OXR1: variants seen among roughly 807,000 people sequenced by gnomAD.
OXR1 encodes oxidation resistance protein 1.
A neutral mutation model predicts 104.6 loss-of-function variants in OXR1; 41 were observed. The observed-to-expected ratio is 0.39, with a 90% CI of 0.31 to 0.51. OXR1 has a LOEUF of 0.51. Ranked by LOEUF, OXR1 falls within the 20% of genes least tolerant of loss-of-function variation. The pLI is 0.77. For synonymous variants in OXR1, 348 were observed against 348.4 expected, an observed-to-expected ratio of 1.00 and a Z score of 0.01; for missense variants, 955 against 1,031.9, an observed-to-expected ratio of 0.93 and a Z score of 1.02.
chr8:106,672,199 T>C (rs1168177370), intron 3 of OXR1, among the ~76,000 whole-genome samples: 1 of 151,732 alleles, frequency 6.6e-6, no homozygotes, highest in Non-Finnish European at 1.5e-5. Context: ...CAAATAGTGC[T>C]GGGCACAGTG....
intron 3 of OXR1, among the ~76,000 whole-genome samples, chr8:106,632,010 T>A (rs1822728144): frequency 6.6e-6 from 1 of 152,194 alleles, no homozygotes; most frequent in South Asian, 2.1e-4. Context: ...TTTTAGTTCT[T>A]ATCCTAGACA....
At chr8:106,745,747 C>T in intron 15 of OXR1, 42 bp from the exon 16 acceptor site, 1 of 958,454 alleles carries the variant, frequency 1.0e-6, no homozygotes, top group Non-Finnish European at 1.6e-6. Flanking sequence ...CTATAATAAC[C>T]ATTTCATCTA....
At chr8:106,270,984 C>T (rs1281197453) in intron 1 of OXR1, among the ~76,000 whole-genome samples, 1 of 152,040 alleles carries the variant, frequency 6.6e-6, no homozygotes, top group African/African-American at 2.4e-5. Flanking sequence ...TGGAATCTGT[C>T]TCCCGCTAGA....
intron 2 of OXR1, among the ~76,000 whole-genome samples, chr8:106,480,392 C>T (rs1248391032): frequency 1.3e-5 from 2 of 151,904 alleles, no homozygotes; most frequent in African/African-American, 4.8e-5. Context: ...TTACTTTAGT[C>T]TTTAACTTGG....
chr8:106,355,137 G>A (rs1815909771), intron 1 of OXR1, among the ~76,000 whole-genome samples: 1 of 152,058 alleles, frequency 6.6e-6, no homozygotes, highest in African/African-American at 2.4e-5. Context: ...GCATTCAGGG[G>A]AAGTCAAATC....
At chr8:106,708,429 A>T (rs1831363055) in intron 9 of OXR1, among the ~76,000 whole-genome samples, 1 of 151,904 alleles carries the variant, frequency 6.6e-6, no homozygotes. Context: ...AAAACCAGTA[A>T]CTTGCTTTTC....
At chr8:106,403,785 C>G (rs1818098144) in intron 2 of OXR1, among the ~76,000 whole-genome samples, 1 of 152,162 alleles carries the variant, frequency 6.6e-6, no homozygotes, top group Non-Finnish European at 1.5e-5. Context: ...ACCATTATCC[C>G]ACACCCTTAG....
chr8:106,503,540 C>T (rs921628), intron 2 of OXR1, among the ~76,000 whole-genome samples: 90,172 of 151,994 alleles, frequency 0.59, 27,545 homozygotes, highest in Non-Finnish European at 0.68. Context: ...TGAGGGATGC[C>T]TTTACCTTAT....
intron 2 of OXR1, among the ~76,000 whole-genome samples, chr8:106,411,994 C>T (rs1216439974): frequency 1.3e-5 from 2 of 152,080 alleles, no homozygotes; most frequent in African/African-American, 4.8e-5. Flanking sequence ...AGCTTCTCAG[C>T]AATAAAGTGG....
At chr8:106,626,108 C>T (rs1822134641) in intron 3 of OXR1, among the ~76,000 whole-genome samples, 1 of 150,576 alleles carries the variant, frequency 6.6e-6, no homozygotes, top group South Asian at 2.1e-4. Context: ...AGACAATTTT[C>T]TTAAGTTGAA....
chr8:106,428,166 A>G (rs1819210190), intron 2 of OXR1, among the ~76,000 whole-genome samples: 1 of 152,312 alleles, frequency 6.6e-6, no homozygotes, highest in Admixed American at 6.5e-5. Flanking sequence ...GCACAGGGAT[A>G]CCATGGGTGC....
At chr8:106,442,415 C>T (rs879157201) in intron 2 of OXR1, among the ~76,000 whole-genome samples, 1 of 151,898 alleles carries the variant, frequency 6.6e-6, no homozygotes, top group African/African-American at 2.4e-5. Flanking sequence ...GGTGTCAGGA[C>T]GGTACTGGCT....
At chr8:106,453,247 C>T (rs540742013) in intron 2 of OXR1, among the ~76,000 whole-genome samples, 57 of 152,310 alleles carry the variant, frequency 3.7e-4, no homozygotes, top group Admixed American at 7.2e-4. Context: ...ATCTCTCTCT[C>T]CCTCACCTGG....
chr8:106,298,286 A>G (rs1163763469), intron 1 of OXR1, among the ~76,000 whole-genome samples: 1 of 152,240 alleles, frequency 6.6e-6, no homozygotes, highest in African/African-American at 2.4e-5. Context: ...AGGCCTCACA[A>G]TCATGGCAGA....
chr8:106,516,290 T>C (rs1812855823), intron 2 of OXR1, among the ~76,000 whole-genome samples: 1 of 152,124 alleles, frequency 6.6e-6, no homozygotes, highest in Admixed American at 6.6e-5. Context: ...TCATTCCCTA[T>C]CTCTTTTACT....
At chr8:106,409,482 G>A (rs1019995872) in intron 2 of OXR1, among the ~76,000 whole-genome samples, 1 of 152,062 alleles carries the variant, frequency 6.6e-6, no homozygotes, top group Non-Finnish European at 1.5e-5. Context: ...TAACAAAAGG[G>A]ATTTAACAAT....
intron 3 of OXR1, among the ~76,000 whole-genome samples, chr8:106,548,280 T>A (rs1815529314): frequency 6.6e-6 from 1 of 152,196 alleles, no homozygotes; most frequent in Non-Finnish European, 1.5e-5. Flanking sequence ...CTCAGATTCA[T>A]GGGATTTACT....
chr8:106,278,529 A>G (rs973083697), intron 1 of OXR1, among the ~76,000 whole-genome samples: 1 of 152,224 alleles, frequency 6.6e-6, no homozygotes, highest in Non-Finnish European at 1.5e-5. Flanking sequence ...TATTAAAAAA[A>G]AAAATTCTAC....
intron 2 of OXR1, among the ~76,000 whole-genome samples, chr8:106,418,336 C>T (rs905139350): frequency 2.5e-4 from 38 of 152,018 alleles, no homozygotes; most frequent in African/African-American, 6.8e-4. Context: ...ATGTTTGTCT[C>T]CTCTCACCTC....
Sources: allele counts gnomAD v4.1 joint callset (sites outside exome capture counted in the v4.1 genomes callset), GRCh38; gene constraint gnomAD v4.1.1; transcripts MANE v1.5; gene names NCBI Gene and HGNC (gene_info 2026-07-23, HGNC 2026-07-21).